The following EDA variants were observed in gnomAD, a reference collection of about 807,000 sequenced individuals.
EDA encodes the protein ectodysplasin A, also known as ectodysplasin-A.
Under a neutral mutation model 23.6 loss-of-function variants are expected in EDA, and 2 were observed. That is an observed-to-expected ratio of 0.08 (90% CI 0.03 to 0.27). The LOEUF (loss-of-function observed/expected upper bound fraction) is 0.27. EDA is among the 10% of genes least tolerant of loss of function. EDA has a pLI of 1.00. For synonymous variants in EDA, 131 were observed against 132.0 expected (o/e 0.99, Z 0.05); for missense variants, 229 against 324.2 (o/e 0.71, Z 2.26).
intron 2 of EDA, among the ~76,000 whole-genome samples, chrX:70,009,563 G>GGGTTT (rs2019846236): frequency 1.0e-5 from 1 of 100,495 alleles, no homozygotes. Flanking sequence ...TTGTTTGTTT[G>GGGTTT]GGTTTTGTTT....
At chrX:69,935,235 A>G (rs187479916) in intron 1 of EDA, among the ~76,000 whole-genome samples, 35 of 112,027 alleles carry the variant, frequency 3.1e-4, no homozygotes, top group Middle Eastern at 9.2e-3. Flanking sequence ...TATTGTGAAT[A>G]GTGGCACAAT....
chrX:69,714,814 G>A (rs2012249771), intron 1 of EDA, among the ~76,000 whole-genome samples: 1 of 111,265 alleles, frequency 9.0e-6, no homozygotes, highest in African/African-American at 3.3e-5. Flanking sequence ...GTTAATATGT[G>A]CTAGAGTGAT....
chrX:69,961,035 G>A (rs1048736664), intron 2 of EDA, among the ~76,000 whole-genome samples: 1 of 108,811 alleles, frequency 9.2e-6, no homozygotes, highest in African/African-American at 3.4e-5. Flanking sequence ...GAAAAAAAAA[G>A]AAAGAAAGAA....
intron 1 of EDA, among the ~76,000 whole-genome samples, chrX:69,828,220 G>A (rs1449163166): frequency 3.6e-5 from 4 of 112,179 alleles, no homozygotes; most frequent in Non-Finnish European, 7.5e-5. Flanking sequence ...AGCTGTGGTG[G>A]GCTCCACCCA....
intron 1 of EDA, among the ~76,000 whole-genome samples, chrX:69,755,500 A>G (rs2014080987): frequency 1.8e-5 from 2 of 111,854 alleles, no homozygotes; most frequent in African/African-American, 6.5e-5. Flanking sequence ...CAGTTAGGCT[A>G]CCCATGGGTC....
chrX:69,731,237 C>G (rs1342419449), intron 1 of EDA, among the ~76,000 whole-genome samples: 1 of 111,104 alleles, frequency 9.0e-6, no homozygotes, highest in Non-Finnish European at 1.9e-5. Flanking sequence ...TTTGTGTCTT[C>G]TTACCTTTTT....
chrX:69,919,332 A>T (rs544293753), intron 1 of EDA, among the ~76,000 whole-genome samples: 1 of 112,484 alleles, frequency 8.9e-6, no homozygotes, highest in South Asian at 3.7e-4. Context: ...TAATTACCCA[A>T]AGGAATAACA....
chrX:69,993,355 G>A (rs751740164), intron 2 of EDA, among the ~76,000 whole-genome samples: 122 of 110,914 alleles, frequency 1.1e-3, no homozygotes, highest in Non-Finnish European at 2.0e-3. Flanking sequence ...TCAGGGGTAG[G>A]GATTAACACT....
chrX:69,753,118 G>C (rs1248884957), intron 1 of EDA, among the ~76,000 whole-genome samples: 1 of 111,212 alleles, frequency 9.0e-6, no homozygotes, highest in African/African-American at 3.3e-5. Flanking sequence ...CCTTCTGCTA[G>C]CTTTTGAATG....
chrX:69,617,149 T>G, intron 1 of EDA: 3 of 211,297 alleles, frequency 1.4e-5, no homozygotes, highest in Non-Finnish European at 2.7e-5. Flanking sequence ...GTAATAACTG[T>G]TCCACGCCCG....
At chrX:69,771,083 A>G (rs1332881430) in intron 1 of EDA, among the ~76,000 whole-genome samples, 1 of 109,938 alleles carries the variant, frequency 9.1e-6, no homozygotes, top group Non-Finnish European at 1.9e-5. Context: ...ATTGAGACAG[A>G]GTCTCGCTCT....
intron 1 of EDA, among the ~76,000 whole-genome samples, chrX:69,936,869 C>G (rs1477911909): frequency 8.9e-6 from 1 of 112,167 alleles, no homozygotes; most frequent in Non-Finnish European, 1.9e-5. Flanking sequence ...GCTTTCTCCA[C>G]TCTGTCACAC....
At chrX:69,751,358 G>A (rs1166752377) in intron 1 of EDA, among the ~76,000 whole-genome samples, 1 of 111,675 alleles carries the variant, frequency 9.0e-6, no homozygotes, top group Non-Finnish European at 1.9e-5. Context: ...TATTTCTGAG[G>A]GCTCTATTCT....
intron 2 of EDA, among the ~76,000 whole-genome samples, chrX:69,983,912 C>G (rs1305873740): frequency 9.3e-6 from 1 of 108,005 alleles, no homozygotes; most frequent in Non-Finnish European, 1.9e-5. Flanking sequence ...GAAATTATAA[C>G]AAACTATCTC....
At chrX:69,849,987 C>T (rs1039279179) in intron 1 of EDA, among the ~76,000 whole-genome samples, 3 of 111,668 alleles carry the variant, frequency 2.7e-5, no homozygotes, top group Non-Finnish European at 5.6e-5. Context: ...TTACTCCATG[C>T]TTGTAAATAT....
intron 1 of EDA, among the ~76,000 whole-genome samples, chrX:69,888,977 GT>G (rs2017873328): frequency 1.5e-4 from 2 of 13,247 alleles, no homozygotes; most frequent in Non-Finnish European, 2.5e-4. Flanking sequence ...TTGTGGGGTA[GT>G]TATATATATA....
At chrX:69,748,447 A>G (rs1038772104) in intron 1 of EDA, among the ~76,000 whole-genome samples, 1 of 112,094 alleles carries the variant, frequency 8.9e-6, no homozygotes, top group Non-Finnish European at 1.9e-5. Flanking sequence ...GGACTGTGCT[A>G]AAAAAGCCCG....
At chrX:69,778,222 A>G (rs935548175) in intron 1 of EDA, among the ~76,000 whole-genome samples, 2 of 111,913 alleles carry the variant, frequency 1.8e-5, no homozygotes, top group African/African-American at 6.5e-5. Context: ...AAATGCTGAC[A>G]AATAGAGACC....
chrX:69,882,641 A>AACTT (rs1354142279), intron 1 of EDA, among the ~76,000 whole-genome samples: 2 of 111,920 alleles, frequency 1.8e-5, no homozygotes, highest in African/African-American at 6.5e-5. Flanking sequence ...AGTAACTTCC[A>AACTT]ACTTACTTCA....
Sources: allele counts gnomAD v4.1 joint callset (sites outside exome capture counted in the v4.1 genomes callset), GRCh38; gene constraint gnomAD v4.1.1; transcripts MANE v1.5; gene names NCBI Gene and HGNC (gene_info 2026-07-23, HGNC 2026-07-21).